PTPRD: variants seen among roughly 807,000 people sequenced by gnomAD.
PTPRD encodes protein tyrosine phosphatase receptor type D, also known as receptor-type tyrosine-protein phosphatase delta.
Under a neutral mutation model 214.5 loss-of-function variants are expected in PTPRD, and 34 were observed. That is an observed-to-expected ratio of 0.16 (90% confidence interval 0.12 to 0.21). The LOEUF (loss-of-function observed/expected upper bound fraction) is 0.21, where lower values mean the gene tolerates loss of function less well. PTPRD is among the 10% of genes least tolerant of loss of function. The probability of loss-of-function intolerance (pLI) is 1.00; values close to 1 mark genes in which losing one functional copy is unlikely to be tolerated. For synonymous variants in PTPRD, 1,128 were observed against 845.7 expected (o/e 1.33, Z -5.79); for missense variants, 2,545 against 2,398.7 (o/e 1.06, Z -1.27).
At chr9:9,455,716 G>T (rs531008599) in intron 8 of PTPRD, among the ~76,000 whole-genome samples, 1 of 151,532 alleles carries the variant, frequency 6.6e-6, no homozygotes, top group South Asian at 2.1e-4. Flanking sequence ...AATATAAAGG[G>T]GCAAAAGCAT....
chr9:9,819,223 T>C (rs148803514), intron 5 of PTPRD, among the ~76,000 whole-genome samples: 11 of 152,270 alleles, frequency 7.2e-5, no homozygotes, highest in East Asian at 1.9e-4. Context: ...AGTGTCTTCA[T>C]TGATGTTGAG....
At chr9:10,591,775 C>A (rs1022193935) in intron 2 of PTPRD, among the ~76,000 whole-genome samples, 1 of 152,046 alleles carries the variant, frequency 6.6e-6, no homozygotes, top group African/African-American at 2.4e-5. Flanking sequence ...TCATAAAAGG[C>A]AGGGTGGCAT....
chr9:8,531,618 G>A (rs900548850), intron 14 of PTPRD, among the ~76,000 whole-genome samples: 52 of 152,032 alleles, frequency 3.4e-4, no homozygotes, highest in African/African-American at 1.2e-3. Context: ...ATCACCTTGC[G>A]ATTCCTGAGT....
At position 8,787,134 on chromosome 9, in the gene PTPRD, C is replaced by T. The variant is rs764666537; in HGVS notation, c.-103-53188G>A. 3.3e-5 allele frequency among the ~76,000 whole-genome samples: 5 copies of T among 152,144 alleles called. No individual in the cohort carries two copies. The South Asian group carries it at 6.2e-4, about 19-fold the overall frequency. On this transcript the variant is annotated intron_variant, in intron 11 of 45. Transcript: ENST00000381196. ...TACAGACATGAGCCACTACGCCTGA[C>T]CTGAGAAAACTATATTAAACAGCCC...
At position 9,759,750 on chromosome 9, in the gene PTPRD, G is replaced by C. The variant is rs1998549; in HGVS notation, c.-326+7060C>G. ...CTTTTTTTATTTTTAGTAGAGACGG[G>C]GTTTCACCATGTTGGCCAGGCTGGT... On this transcript the variant is annotated intron_variant, in intron 6 of 45. Coordinates refer to ENST00000381196, the MANE Select transcript of PTPRD (RefSeq NM_002839.4). Among the ~76,000 whole-genome samples the C allele has an allele frequency of 9.9e-5, 15 of 151,712 alleles. No individual in the cohort carries two copies. The South Asian group carries it at 2.7e-3, about 27-fold the overall frequency.
intron 2 of PTPRD, among the ~76,000 whole-genome samples, chr9:10,379,241 G>GT (rs766875582): frequency 2.2e-3 from 327 of 148,318 alleles, no homozygotes; most frequent in Non-Finnish European, 2.6e-3. Flanking sequence ...AGTTCTAATA[G>GT]TTTTTTTTGT....
chr9:10,235,401 G>A (rs751757172), intron 3 of PTPRD, among the ~76,000 whole-genome samples: 5 of 151,870 alleles, frequency 3.3e-5, no homozygotes, highest in African/African-American at 9.7e-5. Flanking sequence ...CCCTCGTCGC[G>A]CATCAGAAAG....
intron 4 of PTPRD, among the ~76,000 whole-genome samples, chr9:10,013,563 C>A (rs996796845): frequency 2.0e-5 from 3 of 147,778 alleles, no homozygotes; most frequent in Non-Finnish European, 4.6e-5. Flanking sequence ...AGATCATCTA[C>A]TTCAGATACA....
At chr9:9,784,098 G>A (rs1048495068) in intron 5 of PTPRD, among the ~76,000 whole-genome samples, 5 of 152,028 alleles carry the variant, frequency 3.3e-5, no homozygotes, top group Non-Finnish European at 5.9e-5. Context: ...ACACAAGTGC[G>A]AAAGATTTCC....
chr9:8,831,811 G>C (rs1354193545), intron 11 of PTPRD, among the ~76,000 whole-genome samples: 1 of 152,140 alleles, frequency 6.6e-6, no homozygotes, highest in Non-Finnish European at 1.5e-5. Flanking sequence ...CTCAGAGAAA[G>C]TTTCACAAAA....
intron 3 of PTPRD, among the ~76,000 whole-genome samples, chr9:10,162,413 T>C (rs1592811544): frequency 6.6e-6 from 1 of 151,150 alleles, no homozygotes; most frequent in East Asian, 1.9e-4. Context: ...TGAAACTGTA[T>C]ATCATTATAT....
At chr9:9,329,719 T>C (rs1171853047) in intron 9 of PTPRD, among the ~76,000 whole-genome samples, 1 of 152,228 alleles carries the variant, frequency 6.6e-6, no homozygotes, top group African/African-American at 2.4e-5. Flanking sequence ...TTTACCATTA[T>C]GATTTAGAGG....
chr9:9,488,543 G>A (rs778332397), intron 8 of PTPRD, among the ~76,000 whole-genome samples: 3 of 152,034 alleles, frequency 2.0e-5, no homozygotes, highest in African/African-American at 4.8e-5. Flanking sequence ...AATTTCCACC[G>A]TCCCATTAGA....
chr9:8,645,050 C>A (rs2096657905), intron 12 of PTPRD, among the ~76,000 whole-genome samples: 1 of 152,190 alleles, frequency 6.6e-6, no homozygotes, highest in Admixed American at 6.5e-5. Flanking sequence ...ATAAAGATTG[C>A]ACAGATAATA....
At chr9:8,375,415 A>C (rs371049760) in intron 39 of PTPRD, among the ~76,000 whole-genome samples, 2 of 152,060 alleles carry the variant, frequency 1.3e-5, no homozygotes, top group African/African-American at 2.4e-5. Context: ...TATTAAATAC[A>C]TTTTTAAAAA....
At chr9:9,987,390 TG>T (rs1350203497) in intron 4 of PTPRD, among the ~76,000 whole-genome samples, 8 of 152,110 alleles carry the variant, frequency 5.3e-5, no homozygotes, top group Non-Finnish European at 1.0e-4. Context: ...TCCACATGGC[TG>T]GGGAGGCGTT....
intron 5 of PTPRD, among the ~76,000 whole-genome samples, chr9:9,931,858 C>T (rs2086747233): frequency 6.6e-6 from 1 of 150,690 alleles, no homozygotes; most frequent in Non-Finnish European, 1.5e-5. Flanking sequence ...CAGTGGTTCT[C>T]CCAGCACGCA....
chr9:8,923,476 G>T (rs537856407), intron 11 of PTPRD, among the ~76,000 whole-genome samples: 4 of 151,994 alleles, frequency 2.6e-5, no homozygotes, highest in African/African-American at 9.6e-5. Flanking sequence ...GGTCCAAACA[G>T]AAAATAACTG....
chr9:10,522,769 C>A (rs1247854737), intron 2 of PTPRD, among the ~76,000 whole-genome samples: 1 of 151,870 alleles, frequency 6.6e-6, no homozygotes, highest in Non-Finnish European at 1.5e-5. Flanking sequence ...TTCTTTCAGT[C>A]TGAGAACCCT....
Sources: gnomAD v4.1 joint callset for allele counts (sites outside exome capture counted in the v4.1 genomes callset) on GRCh38, gnomAD v4.1.1 for gene constraint, MANE v1.5 for transcripts, NCBI Gene and HGNC (gene_info 2026-07-23, HGNC 2026-07-21) for gene names.